Variants in RABGAP1L observed in about 807,000 individuals in gnomAD.
The protein encoded by RABGAP1L is RAB GTPase activating protein 1 like.
In RABGAP1L, 63 loss-of-function variants were observed where a neutral mutation model predicts 137.7. The ratio of observed to expected loss-of-function variants is 0.46; its 90% CI spans 0.37 to 0.56. The LOEUF is 0.56. RABGAP1L is among the 20% of genes least tolerant of loss of function. RABGAP1L has a pLI of 0.00. For synonymous variants in RABGAP1L, 431 were observed against 433.7 expected (o/e 0.99, Z 0.08); for missense variants, 1,095 against 1,244.0 (o/e 0.88, Z 1.80).
chr1:174,818,751 G>A (rs555774165), intron 19 of RABGAP1L, among the ~76,000 whole-genome samples: 7 of 152,050 alleles, frequency 4.6e-5, no homozygotes, highest in South Asian at 2.1e-4. Flanking sequence ...GCTCACACCT[G>A]TAATCCCAGC....
chr1:174,490,000 A>G (rs1373392327), intron 13 of RABGAP1L, among the ~76,000 whole-genome samples: 2 of 151,810 alleles, frequency 1.3e-5, no homozygotes, highest in Non-Finnish European at 2.9e-5. Context: ...GTTATCTTGA[A>G]TTTCTTTGTG....
At chr1:174,209,757 G>A (rs549193737) in intron 1 of RABGAP1L, among the ~76,000 whole-genome samples, 8 of 152,264 alleles carry the variant, frequency 5.3e-5, no homozygotes, top group African/African-American at 1.7e-4. Flanking sequence ...TGCCATAGGC[G>A]GTAGCCAGGT....
intron 16 of RABGAP1L, 109 bp downstream of exon 16, chr1:174,699,759 T>C: frequency 9.2e-7 from 1 of 1,088,070 alleles, no homozygotes; most frequent in Non-Finnish European, 1.3e-6. Context: ...TGGAATATTA[T>C]AGAAAATGTA....
At chr1:174,693,155 G>A (rs1678996392) in intron 15 of RABGAP1L, among the ~76,000 whole-genome samples, 1 of 152,134 alleles carries the variant, frequency 6.6e-6, no homozygotes. Context: ...TCAGTATTGG[G>A]AACTAATGAG....
At chr1:174,890,686 C>T (rs921579653) in intron 19 of RABGAP1L, among the ~76,000 whole-genome samples, 1 of 151,974 alleles carries the variant, frequency 6.6e-6, no homozygotes, top group Non-Finnish European at 1.5e-5. Context: ...TATTTTTATA[C>T]ATGCAAACAA....
At chr1:174,370,328 T>C (rs1002140900) in intron 11 of RABGAP1L, among the ~76,000 whole-genome samples, 3 of 152,266 alleles carry the variant, frequency 2.0e-5, no homozygotes, top group Non-Finnish European at 2.9e-5. Context: ...GAGTTTAGTA[T>C]TGGTCGTTTT....
chr1:174,911,575 A>G (rs1323098153), intron 19 of RABGAP1L, among the ~76,000 whole-genome samples: 1 of 152,236 alleles, frequency 6.6e-6, no homozygotes, highest in Non-Finnish European at 1.5e-5. Context: ...TAATGACACC[A>G]TCTTATTAAA....
At chr1:174,688,200 T>C (rs1047325645) in intron 15 of RABGAP1L, among the ~76,000 whole-genome samples, 1 of 152,110 alleles carries the variant, frequency 6.6e-6, no homozygotes, top group Non-Finnish European at 1.5e-5. Context: ...TCTTAATAAA[T>C]TATGACCTGA....
chr1:174,491,222 C>T (rs983739260), intron 13 of RABGAP1L, among the ~76,000 whole-genome samples: 2 of 152,104 alleles, frequency 1.3e-5, no homozygotes, highest in African/African-American at 4.8e-5. Flanking sequence ...ACCCAAAACC[C>T]ATGGCATACT....
intron 19 of RABGAP1L, among the ~76,000 whole-genome samples, chr1:174,916,831 G>A (rs1006144851): frequency 5.9e-5 from 9 of 152,180 alleles, no homozygotes; most frequent in East Asian, 3.8e-4. Flanking sequence ...GCTGAAGGCC[G>A]TGTGCCCAAC....
intron 13 of RABGAP1L, among the ~76,000 whole-genome samples, chr1:174,458,032 G>A (rs369670505): frequency 6.6e-6 from 1 of 152,078 alleles, no homozygotes; most frequent in Admixed American, 6.6e-5. Context: ...TCTTAATTCT[G>A]TGTAAGATAA....
chr1:174,394,039 T>C lies in RABGAP1L; in HGVS notation c.1604T>C (p.Val535Ala). Residue 535 changes from valine (V) to alanine (A), a missense_variant, in exon 13 of 26, where the codon GTG (valine) becomes GCG (alanine). Physicochemically the swap from Val to Ala is moderately conservative, Grantham distance 64 (BLOSUM62 0). Coordinates refer to ENST00000681986, the MANE Select transcript of RABGAP1L (RefSeq NM_001366446.1). ...GARPKGLSTLVKSGVPEALRA... is the reference protein window; with the variant it reads ...GARPKGLSTLAKSGVPEALRA... ...CGACCGAAAGGGCTGTCTACTCTGG[T>C]GAAGAGTGGTGTCCCTGAAGCATTG... 6.2e-7 allele frequency: 1 copy of C among 1,613,856 alleles called. No homozygotes were observed. Among genetic ancestry groups the C allele is most frequent in the Non-Finnish European group, 8.5e-7 (1 of 1,179,822 alleles).
intron 3 of RABGAP1L, among the ~76,000 whole-genome samples, chr1:174,224,836 G>T (rs763424717): frequency 4.0e-5 from 6 of 151,878 alleles, no homozygotes; most frequent in Non-Finnish European, 7.4e-5. Flanking sequence ...TTGAATCATT[G>T]TTCTCCTATT....
intron 13 of RABGAP1L, among the ~76,000 whole-genome samples, chr1:174,424,069 A>G (rs1189805459): frequency 1.3e-5 from 2 of 152,174 alleles, no homozygotes; most frequent in Non-Finnish European, 2.9e-5. Context: ...AAGAAAGCAT[A>G]GCATATAGTA....
chr1:174,595,339 CCTT>C (rs1669797868), intron 13 of RABGAP1L, among the ~76,000 whole-genome samples: 1 of 9,476 alleles, frequency 1.1e-4, no homozygotes, highest in Non-Finnish European at 2.4e-4. Context: ...TCGTCTGAAG[CCTT>C]CTTCTCTCAG....
intron 14 of RABGAP1L, among the ~76,000 whole-genome samples, chr1:174,668,567 A>G (rs990433223): frequency 2.6e-5 from 4 of 152,142 alleles, no homozygotes; most frequent in Non-Finnish European, 5.9e-5. Context: ...TGTTATAATA[A>G]ACATGGGAGT....
intron 11 of RABGAP1L, among the ~76,000 whole-genome samples, chr1:174,317,572 G>A (rs371093845): frequency 3.9e-5 from 6 of 152,130 alleles, no homozygotes; most frequent in East Asian, 1.9e-4. Context: ...AAGGAAGGGT[G>A]TCTTTTGGAG....
At chr1:174,896,885 C>G (rs1336166567) in intron 19 of RABGAP1L, 2 of 152,200 alleles carry the variant, frequency 1.3e-5, no homozygotes, top group African/African-American at 4.8e-5. Flanking sequence ...ATGCCTCCAG[C>G]TTTGTTCTTT....
At chr1:174,558,680 T>C (rs367634760) in intron 13 of RABGAP1L, among the ~76,000 whole-genome samples, 5 of 152,218 alleles carry the variant, frequency 3.3e-5, no homozygotes, top group African/African-American at 1.2e-4. Context: ...TGCTTACCCA[T>C]AACATGCTAA....
Sources: gnomAD v4.1 joint callset for allele counts (sites outside exome capture counted in the v4.1 genomes callset) on GRCh38, gnomAD v4.1.1 for gene constraint, MANE v1.5 for transcripts, NCBI Gene and HGNC (gene_info 2026-07-23, HGNC 2026-07-21) for gene names.